Variants in TBX20 observed in about 807,000 individuals in gnomAD.
The protein encoded by TBX20 is T-box transcription factor 20, also known as T-box transcription factor TBX20.
A neutral mutation model predicts 42.9 loss-of-function variants in TBX20; 8 were observed. The observed-to-expected ratio is 0.19, with a 90% CI of 0.11 to 0.34. The LOEUF (loss-of-function observed/expected upper bound fraction) is 0.34. Among genes scored for constraint, TBX20 ranks in the 10% least tolerant of loss-of-function variants. TBX20 has a pLI of 1.00. For missense variants in TBX20, 411 were observed against 566.0 expected, an observed-to-expected ratio of 0.73 and a Z score of 2.78; for synonymous variants, 198 against 222.8, an observed-to-expected ratio of 0.89 and a Z score of 0.99.
chr7:35,248,539 T>C (rs749063889), intron 3 of TBX20, 138 bp downstream of exon 3: 1 of 903,162 alleles, frequency 1.1e-6, no homozygotes, highest in Admixed American at 1.8e-5. Context: ...TAGTCAATCC[T>C]GGAGTGTCCA....
At chr7:35,240,001 T>C (rs1790044156) in intron 5 of TBX20, among the ~76,000 whole-genome samples, 1 of 152,112 alleles carries the variant, frequency 6.6e-6, no homozygotes, top group Admixed American at 6.6e-5. Context: ...CCACCCACCC[T>C]GGCCTCCCGA....
chr7:35,245,973 C>T (rs569351786), intron 3 of TBX20, among the ~76,000 whole-genome samples: 18 of 152,220 alleles, frequency 1.2e-4, no homozygotes, highest in African/African-American at 2.9e-4. Context: ...CCTTTATCCA[C>T]GTAAAAGGTT....
intron 3 of TBX20, among the ~76,000 whole-genome samples, chr7:35,246,100 A>G (rs1790178416): frequency 6.6e-6 from 1 of 152,266 alleles, no homozygotes; most frequent in African/African-American, 2.4e-5. Flanking sequence ...ATTCATGTAA[A>G]GAACAAGAAA....
At chr7:35,248,571 A>G (rs2128715904) in intron 3 of TBX20, 106 bp downstream of exon 3, 1 of 1,286,616 alleles carries the variant, frequency 7.8e-7, no homozygotes, top group South Asian at 1.2e-5. Flanking sequence ...CTCTCTTGCC[A>G]GAGCCCGCTG....
rs543299113 is a variant in TBX20 at position 35,250,369 on chromosome 7, C to G, written c.128-166G>C. On this transcript the variant is annotated intron_variant, in intron 1 of 7. Coordinates refer to ENST00000408931, the MANE Select transcript of TBX20 (RefSeq NM_001077653.2). ...ACCCATCATCACTGTATAAAATTAC[C>G]TGGGATTCCCACGGAGTAGCATGCC... Among the ~76,000 whole-genome samples the G allele has an allele frequency of 3.7e-4, 57 of 152,324 alleles. No homozygotes were observed. In the South Asian group the frequency reaches 0.011, roughly 30 times the overall value.
chr7:35,243,894 C>A (rs904207298), intron 4 of TBX20, among the ~76,000 whole-genome samples: 1 of 152,206 alleles, frequency 6.6e-6, no homozygotes, highest in African/African-American at 2.4e-5. Flanking sequence ...AGGGATAGTG[C>A]TAGCGCCTAA....
Position 35,227,673 on chromosome 7 carries a change from C to T in TBX20, c.890+3831G>A, listed in dbSNP as rs144745180. Among the ~76,000 whole-genome samples the T allele has an allele frequency of 2.5e-3, 388 of 152,216 alleles. 7 individuals carry two copies. In the East Asian group the frequency reaches 0.032, roughly 13 times the overall value. ...TTTTCACAATGACAAAATCTCCAAACAATGCATTTCTCAGAATGCAGCCCT... is the reference window on the plus strand; with the variant it reads ...TTTTCACAATGACAAAATCTCCAAATAATGCATTTCTCAGAATGCAGCCCT... On this transcript the variant is annotated intron_variant, in intron 6 of 7. Coordinates refer to ENST00000408931, the MANE Select transcript of TBX20 (RefSeq NM_001077653.2).
rs754188140 is a variant in TBX20 at position 35,253,651 on chromosome 7, G to C, written c.-31C>G. On this transcript the variant is annotated 5_prime_UTR_variant, in exon 1 of 8. Coordinates refer to ENST00000408931, the MANE Select transcript of TBX20 (RefSeq NM_001077653.2). ...CCAGCACGCGGTCCTGGCCAGGGACGGGGTCGTCCGAACTGCCGTCCAGAT... is the reference window on the plus strand; with the variant it reads ...CCAGCACGCGGTCCTGGCCAGGGACCGGGTCGTCCGAACTGCCGTCCAGAT... The C allele has an allele frequency of 2.5e-6, 4 of 1,603,494 alleles. No individual in the cohort carries two copies. The highest frequency in any genetic ancestry group is 1.1e-5 in the South Asian group (1 of 90,752).
chr7:35,235,093 C>A (rs1243330701), intron 5 of TBX20, among the ~76,000 whole-genome samples: 2 of 151,932 alleles, frequency 1.3e-5, no homozygotes, highest in African/African-American at 2.4e-5. Flanking sequence ...CATGAATTTA[C>A]AGGAAAAGCA....
intron 5 of TBX20, among the ~76,000 whole-genome samples, chr7:35,238,265 G>A (rs780790078): frequency 2.6e-5 from 4 of 152,056 alleles, no homozygotes; most frequent in African/African-American, 7.2e-5. Context: ...GAGAGGTCCC[G>A]CCAACACTTA....
At position 35,245,004 on chromosome 7, in the gene TBX20, A is replaced by G. The variant is rs151183955; in HGVS notation, c.599T>C (p.Met200Thr). 15 of 1,613,794 alleles carry G rather than the reference A, an allele frequency of 9.3e-6. No individual in the cohort carries two copies. The African/African-American group carries it at 1.9e-4, about 20-fold the overall frequency. The change falls in exon 4 of 8, where the codon ATG (methionine) becomes ACG (threonine). Residue 200 changes from methionine (M) to threonine (T), a missense_variant. By Grantham distance (81) the Met-to-Thr change is moderately conservative (BLOSUM62 -1). Transcript: ENST00000408931. ...PFTGEQLLKQMVSFEKVKLTN... is the reference protein window; with the variant it reads ...PFTGEQLLKQTVSFEKVKLTN... The stretch of plus-strand genomic sequence containing the variant: ...GAGTTTCACCTTTTCAAAAGACACC[A>G]TCTGTTTGAGTAGTTGCTCACCGGT...
chr7:35,246,173 C>T (rs958379118), intron 3 of TBX20, among the ~76,000 whole-genome samples: 3 of 152,176 alleles, frequency 2.0e-5, no homozygotes, highest in African/African-American at 7.2e-5. Context: ...AATGCTGAAA[C>T]TTACAAAGCC....
intron 6 of TBX20, among the ~76,000 whole-genome samples, chr7:35,229,405 C>T (rs1456180596): frequency 2.0e-5 from 3 of 152,128 alleles, no homozygotes. Context: ...TCCCCAAAGG[C>T]TGTTTATGAA....
intron 1 of TBX20, among the ~76,000 whole-genome samples, chr7:35,250,482 G>C (rs1458201718): frequency 1.3e-5 from 2 of 152,212 alleles, no homozygotes; most frequent in Non-Finnish European, 2.9e-5. Context: ...AAAAATGTAA[G>C]AGTGGAAGAA....
chr7:35,209,163 T>C (rs1789452494), intron 6 of TBX20, among the ~76,000 whole-genome samples: 2 of 152,112 alleles, frequency 1.3e-5, no homozygotes, highest in South Asian at 4.1e-4. Flanking sequence ...ATATTGGTCT[T>C]TCTCTAGTTT....
chr7:35,252,863 C>G (rs936973231), intron 1 of TBX20, among the ~76,000 whole-genome samples: 1 of 152,140 alleles, frequency 6.6e-6, no homozygotes, highest in Non-Finnish European at 1.5e-5. Flanking sequence ...GGTTGTTAAA[C>G]AAACAACATA....
rs1407758539 is a variant in TBX20, at chr7:35,208,561, G to A, written c.891-3979C>T. Among the ~76,000 whole-genome samples the A allele has an allele frequency of 2.6e-5, 4 of 151,894 alleles. No homozygotes were observed. The East Asian group carries it at 5.8e-4, about 22-fold the overall frequency. On this transcript the variant is annotated intron_variant, in intron 6 of 7. Transcript: ENST00000408931. ...AGTTCAAGACCAGCCTGACCAACAT[G>A]GAGAAACCCCGTCTCTACTAAAAAT... is the stretch of plus-strand genomic sequence containing the variant.
chr7:35,231,479 A>G, intron 6 of TBX20, 25 bp downstream of exon 6: 1 of 1,571,568 alleles, frequency 6.4e-7, no homozygotes, highest in Non-Finnish European at 8.8e-7. Flanking sequence ...TCTGAACAAG[A>G]AAGTAAACAG....
chr7:35,242,874 C>G (rs1048188683), intron 4 of TBX20, among the ~76,000 whole-genome samples: 1 of 152,212 alleles, frequency 6.6e-6, no homozygotes, highest in African/African-American at 2.4e-5. Context: ...GAGGCTTCTT[C>G]AGAACCTATT....
Sources: gnomAD v4.1 joint callset for allele counts (sites outside exome capture counted in the v4.1 genomes callset) on GRCh38, gnomAD v4.1.1 for gene constraint, MANE v1.5 for transcripts, NCBI Gene and HGNC (gene_info 2026-07-23, HGNC 2026-07-21) for gene names.